Variants in POTEE observed in about 807,000 individuals in gnomAD.
POTEE encodes POTE ankyrin domain family member E, also known as ANKRD26-like family C member 1A.
A neutral mutation model predicts 74.2 loss-of-function variants in POTEE; 21 were observed. The observed-to-expected ratio is 0.28, with a 90% confidence interval of 0.20 to 0.41. The LOEUF (loss-of-function observed/expected upper bound fraction) is 0.41, where lower values mean the gene tolerates loss of function less well. Among genes scored for constraint, POTEE ranks in the 10% least tolerant of loss-of-function variants. The pLI is 1.00. For synonymous variants in POTEE, 211 were observed against 432.8 expected (o/e 0.49, Z 6.36); for missense variants, 525 against 1,158.6 (o/e 0.45, Z 7.94).
intron 4 of POTEE, among the ~76,000 whole-genome samples, chr2:131,223,099 A>G (rs542529137): frequency 9.2e-5 from 14 of 151,786 alleles, no homozygotes; most frequent in African/African-American, 3.4e-4. Context: ...AACACACCTG[A>G]AAGTGTAGGT....
At chr2:131,235,530 T>C (rs1701101877) in intron 9 of POTEE, among the ~76,000 whole-genome samples, 1 of 151,926 alleles carries the variant, frequency 6.6e-6, no homozygotes, top group Non-Finnish European at 1.5e-5. Flanking sequence ...GTGTGGTGGC[T>C]CACACCTCTA....
In POTEE at chr2:131,218,365, G is replaced by T; in HGVS notation, c.-38G>T. 1 of 1,610,792 alleles carries T rather than the reference G, an allele frequency of 6.2e-7. No individual in the cohort carries two copies. Among genetic ancestry groups the T allele is most frequent in the Non-Finnish European group, 8.5e-7 (1 of 1,178,884 alleles). On this transcript the variant is annotated 5_prime_UTR_variant, in exon 4 of 18. Transcript: ENST00000683005. ...TGAAACTGGTTGGTAGACGCGATCT[G>T]TTGGCTACTACTGGCTTCTCCTGGC...
At chr2:131,262,944 G>A (rs1171766818) in intron 17 of POTEE, among the ~76,000 whole-genome samples, 1 of 151,694 alleles carries the variant, frequency 6.6e-6, no homozygotes, top group South Asian at 2.1e-4. Context: ...GTGGTTGATA[G>A]GTTAGATATC....
At chr2:131,230,173 A>G (rs1362633869) in intron 8 of POTEE, among the ~76,000 whole-genome samples, 1 of 152,168 alleles carries the variant, frequency 6.6e-6, no homozygotes, top group African/African-American at 2.4e-5. Flanking sequence ...TGAGATATTT[A>G]TGAATAAATT....
chr2:131,220,675 T>C (rs1464720367), intron 4 of POTEE, among the ~76,000 whole-genome samples: 3 of 152,138 alleles, frequency 2.0e-5, no homozygotes, highest in East Asian at 1.9e-4. Context: ...AGAAGAGGAA[T>C]GAAAGGCCGG....
intron 2 of POTEE, among the ~76,000 whole-genome samples, chr2:131,212,994 C>T: frequency 6.7e-6 from 1 of 150,188 alleles, no homozygotes; most frequent in Non-Finnish European, 1.5e-5. Flanking sequence ...AAGTCTCGCT[C>T]TTGTCCCCCA....
chr2:131,233,536 G>T (rs531637197), intron 9 of POTEE, among the ~76,000 whole-genome samples: 14 of 149,188 alleles, frequency 9.4e-5, no homozygotes, highest in Admixed American at 4.7e-4. Context: ...GTATTACAAG[G>T]TTTTCACCCG....
At chr2:131,221,393 C>A (rs1367220976) in intron 4 of POTEE, among the ~76,000 whole-genome samples, 2 of 152,234 alleles carry the variant, frequency 1.3e-5, no homozygotes, top group South Asian at 4.2e-4. Flanking sequence ...AGAATCTGCT[C>A]GTGTTAGCTG....
In POTEE at chr2:131,227,346, C is replaced by T. The variant is rs577769588; in HGVS notation, c.917+417C>T. Among the ~76,000 whole-genome samples the T allele has an allele frequency of 6.1e-3, 906 of 149,422 alleles. 9 individuals are homozygous for T. Among genetic ancestry groups the T allele is most frequent in the Non-Finnish European group, 9.7e-3 (660 of 67,922 alleles). ...TAAACATAAATAGGGGTTGAAAATC[C>T]TTTTGTCTTTTTAATGACTTTGCTT... is the stretch of plus-strand genomic sequence containing the variant. On this transcript the variant is annotated intron_variant, in intron 7 of 17. Coordinates refer to ENST00000683005, the MANE Select transcript of POTEE (RefSeq NM_001083538.3).
chr2:131,213,028 T>G (rs1306957590), intron 2 of POTEE, among the ~76,000 whole-genome samples: 1 of 151,098 alleles, frequency 6.6e-6, no homozygotes, highest in African/African-American at 2.4e-5. Flanking sequence ...TGGCCCGATC[T>G]TGGCTCACTG....
chr2:131,224,189 A>G, intron 6 of POTEE, 146 bp downstream of exon 6: 1 of 1,204,084 alleles, frequency 8.3e-7, no homozygotes, highest in Non-Finnish European at 1.1e-6. Flanking sequence ...CTAAGACTTC[A>G]TTTTAAATAT....
intron 12 of POTEE, among the ~76,000 whole-genome samples, chr2:131,244,029 CTATT>C (rs1183157900): frequency 1.2e-4 from 2 of 16,428 alleles, no homozygotes; most frequent in Non-Finnish European, 1.4e-4. Flanking sequence ...TGGTTATTCA[CTATT>C]TATTCTTTAA....
Position 131,264,011 on chromosome 2 carries a change from GA to G in POTEE, c.2557del (p.Met853TrpfsTer26). 1 of 1,614,218 alleles carries G rather than the reference GA, an allele frequency of 6.2e-7. No homozygotes were observed. Reference protein sequence around the residue: ...YTSGRTTGIVMDSGDGVTHTV... With the variant: ...YTSGRTTGIVXDSGDGVTHTV... Reference sequence around the variant, plus strand: ...CCTCTGGCCGTACTACTGGCATCGTGATGGACTCTGGTGACGGGGTCACCCA... The same window carrying G: ...CCTCTGGCCGTACTACTGGCATCGTGTGGACTCTGGTGACGGGGTCACCCA... On this transcript the variant is annotated frameshift_variant, in exon 18 of 18. Coordinates refer to ENST00000683005, the MANE Select transcript of POTEE (RefSeq NM_001083538.3). LOFTEE classifies it high-confidence loss of function.
chr2:131,237,800 C>T (rs1218288714), intron 10 of POTEE, among the ~76,000 whole-genome samples: 5 of 152,294 alleles, frequency 3.3e-5, no homozygotes, highest in African/African-American at 1.2e-4. Flanking sequence ...AAACTCTTTT[C>T]AAGTGAGGAA....
chr2:131,219,713 G>T (rs1304033918), intron 4 of POTEE, among the ~76,000 whole-genome samples: 3 of 151,828 alleles, frequency 2.0e-5, no homozygotes, highest in Non-Finnish European at 4.4e-5. Flanking sequence ...CTCCAGCCTG[G>T]GCGACAGAGC....
chr2:131,251,190 A>C lies in POTEE; in HGVS notation c.1551+342A>C, dbSNP rs1301125609. Among the ~76,000 whole-genome samples the C allele has an allele frequency of 6.5e-4, 6 of 9,182 alleles. 1 individual carries two copies. Among genetic ancestry groups the C allele is most frequent in the African/African-American group, 1.1e-3 (6 of 5,546 alleles). 6.0% of individuals were successfully genotyped at this position (9,182 alleles called of 152,430 possible). A position where few individuals can be genotyped will look rare whatever the true frequency, so the allele number is the denominator to read the frequency against. Reference sequence around the variant, plus strand: ...TGAGGCAGGAGAATGGCATGAACCCAGGAGAGGGAGCTTGCAGTGAGCCGA... The same window carrying C: ...TGAGGCAGGAGAATGGCATGAACCCCGGAGAGGGAGCTTGCAGTGAGCCGA... On this transcript the variant is annotated intron_variant, in intron 14 of 17. Coordinates refer to ENST00000683005, the MANE Select transcript of POTEE (RefSeq NM_001083538.3).
At chr2:131,215,717 C>T (rs1297681458) in intron 2 of POTEE, among the ~76,000 whole-genome samples, 7 of 131,860 alleles carry the variant, frequency 5.3e-5, no homozygotes, top group East Asian at 2.1e-4. Flanking sequence ...TCCTGGTTTG[C>T]ATTGATAGGT....
intron 1 of POTEE, among the ~76,000 whole-genome samples, chr2:131,210,704 A>G (rs1170210367): frequency 6.7e-6 from 1 of 149,526 alleles, no homozygotes; most frequent in East Asian, 2.0e-4. Context: ...CTGTGGGAAC[A>G]GGGCACTGTG....
intron 2 of POTEE, among the ~76,000 whole-genome samples, chr2:131,215,432 T>C (rs1700427389): frequency 6.6e-6 from 1 of 151,842 alleles, no homozygotes; most frequent in African/African-American, 2.4e-5. Context: ...AGAGAGGGAG[T>C]TTGTGCAATT....
Sources: gnomAD v4.1 joint callset for allele counts (sites outside exome capture counted in the v4.1 genomes callset) on GRCh38, gnomAD v4.1.1 for gene constraint, MANE v1.5 for transcripts, NCBI Gene and HGNC (gene_info 2026-07-23, HGNC 2026-07-21) for gene names.